The following PLXNB3 variants were observed in gnomAD, a reference collection of about 807,000 sequenced individuals.
PLXNB3 encodes the protein plexin-B3.
A neutral mutation model predicts 125.7 loss-of-function variants in PLXNB3; 80 were observed. The observed-to-expected ratio is 0.64, with a 90% CI of 0.53 to 0.77. The LOEUF is 0.77. PLXNB3 is among the 30% of genes least tolerant of loss of function. The pLI, the probability that PLXNB3 is intolerant of heterozygous loss-of-function variation, is 0.00. For synonymous variants in PLXNB3, 954 were observed against 783.3 expected (o/e 1.22, Z -3.64); for missense variants, 1,836 against 1,729.3 (o/e 1.06, Z -1.09).
chrX:153,771,575 G>A lies in PLXNB3; in HGVS notation c.2437G>A (p.Gly813Ser), dbSNP rs144601801. ...CCTGGGCTGCCTGTGGTGTGCTGAC[G>A]GCCAGCCTGCCTGTCGCTATGGGCC... is the stretch of plus-strand genomic sequence containing the variant. Reference protein sequence around the residue: ...RSLGCLWCADGQPACRYGPLC... With the variant: ...RSLGCLWCADSQPACRYGPLC... Residue 813 changes from glycine to serine, a missense_variant, in exon 14 of 36, where the codon GGC becomes AGC. Transcript: ENST00000361971. 180 of 1,207,833 alleles carry A rather than the reference G, an allele frequency of 1.5e-4. No individual in the cohort carries two copies. Among genetic ancestry groups the A allele is most frequent in the Non-Finnish European group, 2.0e-4 (176 of 894,481 alleles).
chrX:153,778,862 A>T (rs2092024903), intron 35 of PLXNB3, 73 bp from the exon 36 acceptor site: 1 of 1,110,285 alleles, frequency 9.0e-7, no homozygotes, highest in South Asian at 2.3e-5. Flanking sequence ...GCGGTGATGG[A>T]AGCAGGGTGG....
At position 153,767,812 on chromosome X, in the gene PLXNB3, G is replaced by A; in HGVS notation, c.985G>A (p.Ala329Thr). Residue 329 changes from alanine (A) to threonine (T), a missense_variant, in exon 3 of 36, where the codon GCC (alanine) becomes ACC (threonine). Coordinates refer to ENST00000361971, the MANE Select transcript of PLXNB3 (RefSeq NM_005393.3). Reference protein sequence around the residue: ...MVELGASMEQARRLCYTAGGR... With the variant: ...MVELGASMEQTRRLCYTAGGR... The stretch of plus-strand genomic sequence containing the variant: ...GGAGCTGGGTGCCAGCATGGAGCAG[G>A]CCCGGAGACTCTGCTACACGGCGGG... 8.6e-7 allele frequency: 1 copy of A among 1,161,982 alleles called. No homozygotes were observed. Among genetic ancestry groups the A allele is most frequent in the African/African-American group, 1.8e-5 (1 of 56,534 alleles).
intron 1 of PLXNB3, among the ~76,000 whole-genome samples, chrX:153,764,700 A>G (rs1446533557): frequency 8.9e-6 from 1 of 112,492 alleles, no homozygotes; most frequent in Non-Finnish European, 1.9e-5. Context: ...TCCCCAGTGC[A>G]CCTGCTCCTG....
In PLXNB3 at chrX:153,773,558, G is replaced by A. The variant is rs781800371; in HGVS notation, c.3124G>A (p.Val1042Met). 12 of 1,203,572 alleles carry A rather than the reference G, an allele frequency of 1.0e-5. No homozygotes were observed. In the African/African-American group the frequency reaches 1.0e-4, roughly 10 times the overall value. ...LIRVRGTGLD[V>M]VQRPLLSVWL... ...CCGTGTCAGGGGCACCGGCCTAGAC[G>A]TGGTGCAGCGGCCCCTACTGTCTGT... The change falls in exon 19 of 36, where the codon GTG (valine) becomes ATG (methionine). Residue 1042 changes from valine to methionine, a missense_variant. Coordinates refer to ENST00000361971, the MANE Select transcript of PLXNB3 (RefSeq NM_005393.3).
rs1466128105 is a variant in PLXNB3 at position 153,765,479 on chromosome X, C to G, written c.-57C>G. 8.7e-7 allele frequency: 1 copy of G among 1,150,723 alleles called. No homozygotes were observed. Among genetic ancestry groups the G allele is most frequent in the African/African-American group, 1.8e-5 (1 of 55,938 alleles). The allele number at this position is 1,150,723 out of a possible 1,213,427, so 94.8% of individuals were successfully genotyped here. The stretch of plus-strand genomic sequence containing the variant: ...GTCTCCCTCCCACTCAGGACAATGC[C>G]CCCCCGCAGCCATCTCATGCCCATC... On this transcript the variant is annotated 5_prime_UTR_variant, in exon 2 of 36. Coordinates refer to ENST00000361971, the MANE Select transcript of PLXNB3 (RefSeq NM_005393.3).
Position 153,770,280 on chromosome X carries a change from G to A in PLXNB3, c.1786+32G>A, listed in dbSNP as rs1225003493. The A allele has an allele frequency of 1.2e-5, 14 of 1,204,548 alleles. No individual in the cohort carries two copies. In the African/African-American group the frequency reaches 2.1e-4, roughly 18 times the overall value. On this transcript the variant is annotated intron_variant, in intron 8 of 35. Transcript: ENST00000361971. ...GGCCCATGGGGTAGGGGGCTGGGAT[G>A]GAGGCTGGAGGGGTAATGAGCCACC...
At chrX:153,773,194 G>A in intron 17 of PLXNB3, 36 bp from the exon 18 acceptor site, 2 of 1,162,060 alleles carry the variant, frequency 1.7e-6, no homozygotes, top group Non-Finnish European at 2.3e-6. Flanking sequence ...AGGGGTGGTA[G>A]AGCCGAGATG....
rs782433768 is a variant in PLXNB3 at position 153,766,709 on chromosome X, CCT to C, written c.46-161_46-160del. 2.7e-4 allele frequency: 198 copies of C among 726,067 alleles called. 1 individual carries two copies. In the African/African-American group the frequency reaches 4.4e-3, roughly 16 times the overall value. The allele number at this position is 726,067 out of a possible 1,213,427, so 59.8% of individuals were successfully genotyped here. A position where few individuals can be genotyped will look rare whatever the true frequency, so the allele number is the denominator to read the frequency against. Reference sequence around the variant, plus strand: ...CTTATGTCCCCCTCTCTCTGTGCCCCCTCTGTCTCCTTGTCTCCGCTCACTCT... The same window carrying C: ...CTTATGTCCCCCTCTCTCTGTGCCCCCTGTCTCCTTGTCTCCGCTCACTCT... On this transcript the variant is annotated intron_variant, in intron 2 of 35. Coordinates refer to ENST00000361971, the MANE Select transcript of PLXNB3 (RefSeq NM_005393.3).
intron 3 of PLXNB3, 30 bp from the exon 4 acceptor site, chrX:153,768,219 G>T: frequency 8.6e-7 from 1 of 1,163,672 alleles, no homozygotes; most frequent in Non-Finnish European, 1.2e-6. Context: ...CTCTCTTCCG[G>T]GGGCTGATTC....
In PLXNB3 at chrX:153,776,369, C is replaced by A. The variant is rs2091986302; in HGVS notation, c.4743C>A (p.Gly1581=). 8.4e-7 allele frequency: 1 copy of A among 1,187,283 alleles called. No homozygotes were observed. Among genetic ancestry groups the A allele is most frequent in the Non-Finnish European group, 1.1e-6 (1 of 882,983 alleles). ...GACTCCCTCCAGAGTGGCGCTCAGG[C>A]CTGGCTGGTCACCTGACCCTATCGG... ...VHALDLEWRS[G]LAGHLTLSDE... Residue 1581 remains glycine, a synonymous_variant, in exon 28 of 36, where the codon GGC becomes GGA. Transcript: ENST00000361971.
chrX:153,769,298 G>A (rs375860184), intron 6 of PLXNB3, 36 bp downstream of exon 6: 49 of 1,063,996 alleles, frequency 4.6e-5, no homozygotes, highest in African/African-American at 5.5e-5. Flanking sequence ...TAGGGCCAAC[G>A]GGTGGTGTGT....
rs782081945 is a variant in PLXNB3, at chrX:153,776,052, G to A, written c.4567G>A (p.Gly1523Arg). Residue 1523 changes from glycine to arginine, a missense_variant, in exon 27 of 36, where the codon GGG becomes AGG. By Grantham distance (125) the Gly-to-Arg change is moderately radical. Coordinates refer to ENST00000361971, the MANE Select transcript of PLXNB3 (RefSeq NM_005393.3). The part of the protein sequence containing the change: ...FQPLTLMVLV[G>R]PGAGGAAGSS... ...GCCCCTGACGCTGATGGTGCTGGTG[G>A]GGCCCGGGGCTGGCGGGGCCGCAGG... 1.0e-5 allele frequency: 12 copies of A among 1,199,601 alleles called. No individual in the cohort carries two copies. Among genetic ancestry groups the A allele is most frequent in the Non-Finnish European group, 1.2e-5 (11 of 890,002 alleles).
At position 153,774,783 on chromosome X, in the gene PLXNB3, A is replaced by C; in HGVS notation, c.3908A>C (p.Asp1303Ala). ...GAGAGCCTGGAGACCGGCGTGGGAG[A>C]CCAGTGCCGCAAGGAGTTCACAGGT... ...QLESLETGVGDQCRKEFTDLM... is the reference protein window; with the variant it reads ...QLESLETGVGAQCRKEFTDLM... Residue 1303 changes from aspartate to alanine, a missense_variant, in exon 23 of 36, where the codon GAC (aspartate) becomes GCC (alanine). Transcript: ENST00000361971. 1 of 1,206,968 alleles carries C rather than the reference A, an allele frequency of 8.3e-7. No homozygotes were observed. The highest frequency in any genetic ancestry group is 1.1e-6 in the Non-Finnish European group (1 of 893,139).
At chrX:153,776,521 G>A (rs2148430819) in intron 28 of PLXNB3, 62 bp downstream of exon 28, 2 of 135,651 alleles carry the variant, frequency 1.5e-5, no homozygotes, top group South Asian at 1.4e-4. Context: ...AGGCAGGGCA[G>A]GGCGGGGCTG....
At position 153,777,349 on chromosome X, in the gene PLXNB3, A is replaced by C; in HGVS notation, c.5069A>C (p.Glu1690Ala). 8.3e-7 allele frequency: 1 copy of C among 1,203,855 alleles called. No homozygotes were observed. Among genetic ancestry groups the C allele is most frequent in the South Asian group, 1.8e-5 (1 of 56,384 alleles). The change falls in exon 30 of 36, where the codon GAA (glutamate) becomes GCA (alanine). Residue 1690 changes from glutamate (E) to alanine (A), a missense_variant. Transcript: ENST00000361971. ...REPARAKAIP[E>A]IYLTRLLSMK... ...CCAGCAAGGGCCAAGGCCATTCCGG[A>C]AATCTACCTCACCCGTCTGCTGTCC...
At position 153,772,031 on chromosome X, in the gene PLXNB3, G is replaced by A. The variant is rs782586168; in HGVS notation, c.2669+16G>A. The A allele has an allele frequency of 2.4e-5, 28 of 1,178,135 alleles. 1 individual carries two copies. The East Asian group carries it at 7.2e-4, about 30-fold the overall frequency. ...CGTCGGCCCGGTGAGGCACTTGGAG[G>A]GTGAAGATGGGTGGGGAGGCCCTCA... On this transcript the variant is annotated intron_variant, in intron 15 of 35. Coordinates refer to ENST00000361971, the MANE Select transcript of PLXNB3 (RefSeq NM_005393.3).
intron 2 of PLXNB3, 139 bp from the exon 3 acceptor site, chrX:153,766,732 ACT>A (rs1228504083): frequency 5.1e-6 from 5 of 983,182 alleles, no homozygotes; most frequent in East Asian, 7.6e-5. Context: ...GTCTCCGCTC[ACT>A]CTCTCTCATT....
chrX:153,775,726 G>A, intron 26 of PLXNB3, 66 bp downstream of exon 26: 1 of 1,126,375 alleles, frequency 8.9e-7, no homozygotes, highest in Non-Finnish European at 1.2e-6. Context: ...TGCCATGAGG[G>A]GGCTACTGCC....
rs781997206 is a variant in PLXNB3, at chrX:153,768,390, A to T, written c.1228A>T (p.Ile410Leu). Reference protein sequence around the residue: ...VAALQADGHMIAFLGDTQGQL... With the variant: ...VAALQADGHMLAFLGDTQGQL... Reference sequence around the variant, plus strand: ...AGCTCTCCAGGCAGATGGGCACATGATAGCCTTCCTGGGGGACACCCAGGG... The same window carrying T: ...AGCTCTCCAGGCAGATGGGCACATGTTAGCCTTCCTGGGGGACACCCAGGG... The change falls in exon 4 of 36, where the codon ATA (isoleucine) becomes TTA (leucine). Residue 410 changes from isoleucine (I) to leucine (L), a missense_variant. Physicochemically the swap from Ile to Leu is conservative, Grantham distance 5. Transcript: ENST00000361971. 3.3e-6 allele frequency: 4 copies of T among 1,207,881 alleles called. No individual in the cohort carries two copies. Among genetic ancestry groups the T allele is most frequent in the Non-Finnish European group, 4.5e-6 (4 of 892,936 alleles).
Sources: allele counts gnomAD v4.1 joint callset (sites outside exome capture counted in the v4.1 genomes callset), GRCh38; gene constraint gnomAD v4.1.1; transcripts MANE v1.5; gene names NCBI Gene and HGNC (gene_info 2026-07-23, HGNC 2026-07-21).